WDPCP: variants seen among roughly 807,000 people sequenced by gnomAD.
The protein encoded by WDPCP is WD repeat-containing and planar cell polarity effector protein fritz homolog.
A neutral mutation model predicts 93.1 loss-of-function variants in WDPCP; 71 were observed. The ratio of observed to expected loss-of-function variants is 0.76; its 90% confidence interval spans 0.63 to 0.93. WDPCP has a LOEUF of 0.93. Ranked by LOEUF, WDPCP falls within the 40% of genes least tolerant of loss-of-function variation. The pLI, the probability that WDPCP is intolerant of heterozygous loss-of-function variation, is 0.00. For missense variants in WDPCP, 844 were observed against 887.4 expected, an observed-to-expected ratio of 0.95 and a Z score of 0.62; for synonymous variants, 315 against 315.0, an observed-to-expected ratio of 1.00 and a Z score of 0.00.
intron 13 of WDPCP, among the ~76,000 whole-genome samples, chr2:63,264,985 T>C (rs986917605): frequency 6.6e-6 from 1 of 152,142 alleles, no homozygotes; most frequent in Non-Finnish European, 1.5e-5. Context: ...AAAGATGAAA[T>C]TTACAAATAC....
chr2:63,816,331 G>C (rs1287279765), intron 1 of WDPCP, among the ~76,000 whole-genome samples: 2 of 152,144 alleles, frequency 1.3e-5, no homozygotes, highest in Admixed American at 1.3e-4. Context: ...TGATATTATA[G>C]TAGGTTAAAT....
intron 6 of WDPCP, among the ~76,000 whole-genome samples, chr2:63,462,725 G>T (rs1699100890): frequency 6.6e-6 from 1 of 152,178 alleles, no homozygotes; most frequent in South Asian, 2.1e-4. Flanking sequence ...CCAGAGATTA[G>T]TTGGATATGG....
At chr2:63,766,510 A>G (rs1211781471) in intron 2 of WDPCP, among the ~76,000 whole-genome samples, 4 of 151,840 alleles carry the variant, frequency 2.6e-5, no homozygotes, top group African/African-American at 9.7e-5. Context: ...TAATTTTTTG[A>G]CAATAGGATT....
intron 2 of WDPCP, among the ~76,000 whole-genome samples, chr2:63,724,548 C>T (rs1332483759): frequency 3.3e-5 from 5 of 152,104 alleles, no homozygotes; most frequent in African/African-American, 1.2e-4. Flanking sequence ...CACACCAATG[C>T]TTATGGGAGC....
intron 2 of WDPCP, among the ~76,000 whole-genome samples, chr2:63,490,652 G>T (rs1700824297): frequency 6.6e-6 from 1 of 152,080 alleles, no homozygotes; most frequent in Non-Finnish European, 1.5e-5. Flanking sequence ...TATTCTCATG[G>T]GGCTACTGTG....
At position 63,374,798 on chromosome 2, in the gene WDPCP, C is replaced by T. The variant is rs1253085204; in HGVS notation, c.1748+3588G>A. On this transcript the variant is annotated intron_variant, in intron 12 of 17. Coordinates refer to ENST00000272321, the MANE Select transcript of WDPCP (RefSeq NM_015910.7). ...TCTACCACATGTATTCTGACTTTAT[C>T]GTTTTACAATATTGCTTATCACATA... is the stretch of plus-strand genomic sequence containing the variant. 1.6e-4 allele frequency among the ~76,000 whole-genome samples: 24 copies of T among 151,290 alleles called. No individual in the cohort carries two copies. In the Admixed American group the frequency reaches 1.6e-3, roughly 10 times the overall value.
intron 1 of WDPCP, among the ~76,000 whole-genome samples, chr2:63,540,811 T>C (rs1174618767): frequency 6.6e-6 from 1 of 152,160 alleles, no homozygotes; most frequent in African/African-American, 2.4e-5. Flanking sequence ...TGGAGTGCAG[T>C]GGGGCGATCT....
At chr2:63,727,896 T>C (rs1378493510) in intron 2 of WDPCP, among the ~76,000 whole-genome samples, 3 of 152,178 alleles carry the variant, frequency 2.0e-5, no homozygotes, top group Non-Finnish European at 4.4e-5. Flanking sequence ...GTTTTTTGGA[T>C]CTTCTCTCTT....
intron 15 of WDPCP, among the ~76,000 whole-genome samples, chr2:63,173,995 ATTCAT>A (rs1673598835): frequency 6.6e-6 from 1 of 151,702 alleles, no homozygotes; most frequent in Non-Finnish European, 1.5e-5. Context: ...TGCCATTCTC[ATTCAT>A]TTATATATTG....
intron 2 of WDPCP, among the ~76,000 whole-genome samples, chr2:63,734,384 A>G (rs1365827904): frequency 1.3e-5 from 2 of 152,202 alleles, no homozygotes; most frequent in African/African-American, 2.4e-5. Context: ...ATATATACAT[A>G]TATATGCATA....
chr2:63,629,716 C>T (rs1198548977), intron 3 of WDPCP, among the ~76,000 whole-genome samples: 1 of 152,202 alleles, frequency 6.6e-6, no homozygotes, highest in Non-Finnish European at 1.5e-5. Context: ...CTCAACCCCA[C>T]TTGGGTATCA....
At chr2:63,515,301 A>G (rs1351828700) in intron 1 of WDPCP, among the ~76,000 whole-genome samples, 2 of 152,136 alleles carry the variant, frequency 1.3e-5, no homozygotes, top group East Asian at 3.8e-4. Context: ...TCCAATTTAG[A>G]CTTACGTAAA....
At chr2:63,323,117 G>T (rs1424856023) in intron 12 of WDPCP, among the ~76,000 whole-genome samples, 1 of 152,230 alleles carries the variant, frequency 6.6e-6, no homozygotes, top group Non-Finnish European at 1.5e-5. Context: ...ACAACAAGTT[G>T]GTTGACCCTG....
chr2:63,245,607 A>G (rs1680210988), intron 14 of WDPCP, among the ~76,000 whole-genome samples: 1 of 152,170 alleles, frequency 6.6e-6, no homozygotes, highest in Non-Finnish European at 1.5e-5. Flanking sequence ...TTGATCATGT[A>G]TTGAGTAGAT....
intron 12 of WDPCP, among the ~76,000 whole-genome samples, chr2:63,349,689 T>C (rs1479432675): frequency 6.6e-6 from 1 of 152,194 alleles, no homozygotes; most frequent in Non-Finnish European, 1.5e-5. Flanking sequence ...AATGACACAT[T>C]TGAAGTTGAA....
At chr2:63,729,106 A>G (rs1669526244) in intron 2 of WDPCP, among the ~76,000 whole-genome samples, 1 of 152,202 alleles carries the variant, frequency 6.6e-6, no homozygotes, top group Non-Finnish European at 1.5e-5. Context: ...TCACAGTGCC[A>G]TATGTCACTG....
In WDPCP at chr2:63,230,430, A is replaced by C. The variant is rs1678755129; in HGVS notation, c.1915+28877T>G. Reference sequence around the variant, plus strand: ...TGTGTCTTTATAGCAGCAATGATTTATAATCCTTTGGGTATATGCCCAGTA... The same window carrying C: ...TGTGTCTTTATAGCAGCAATGATTTCTAATCCTTTGGGTATATGCCCAGTA... On this transcript the variant is annotated intron_variant, in intron 14 of 17. Transcript: ENST00000272321. 2.0e-5 allele frequency among the ~76,000 whole-genome samples: 3 copies of C among 152,316 alleles called. No individual in the cohort carries two copies. In the South Asian group the frequency reaches 6.2e-4, roughly 32 times the overall value.
intron 15 of WDPCP, among the ~76,000 whole-genome samples, chr2:63,156,140 C>T (rs1289144794): frequency 1.3e-5 from 2 of 152,068 alleles, no homozygotes; most frequent in Non-Finnish European, 2.9e-5. Context: ...GCTGGGACTA[C>T]AGGCGTGTGC....
At chr2:63,735,005 T>C (rs768681505) in intron 2 of WDPCP, among the ~76,000 whole-genome samples, 5 of 152,208 alleles carry the variant, frequency 3.3e-5, no homozygotes, top group African/African-American at 7.2e-5. Flanking sequence ...TAAGTTCAGA[T>C]TTCCATGGTA....
Sources: gnomAD v4.1 joint callset for allele counts (sites outside exome capture counted in the v4.1 genomes callset) on GRCh38, gnomAD v4.1.1 for gene constraint, MANE v1.5 for transcripts, NCBI Gene and HGNC (gene_info 2026-07-23, HGNC 2026-07-21) for gene names.